The following SEC16A variants were observed in gnomAD, a reference collection of about 807,000 sequenced individuals.
SEC16A encodes the protein protein transport protein Sec16A.
A neutral mutation model predicts 221.9 loss-of-function variants in SEC16A; 110 were observed. The ratio of observed to expected loss-of-function variants is 0.50; its 90% CI spans 0.42 to 0.58. SEC16A has a LOEUF of 0.58. Ranked by LOEUF, SEC16A falls within the 20% of genes least tolerant of loss-of-function variation. The probability of loss-of-function intolerance (pLI) is 0.00; values close to 1 mark genes in which losing one functional copy is unlikely to be tolerated. For synonymous variants in SEC16A, 1,393 were observed against 1,257.7 expected (o/e 1.11, Z -2.28); for missense variants, 3,165 against 3,097.8 (o/e 1.02, Z -0.52).
chr9:136,477,827 A>G, intron 2 of SEC16A, 143 bp from the exon 3 acceptor site: 1 of 782,888 alleles, frequency 1.3e-6, no homozygotes, highest in South Asian at 2.0e-5. Flanking sequence ...CCTACACCCC[A>G]CCCCAGCAGA....
Position 136,474,860 on chromosome 9 carries a change from T to C in SEC16A, c.2756A>G (p.Asn919Ser), listed in dbSNP as rs766204125. Residue 919 changes from asparagine to serine, a missense_variant, in exon 3 of 32, where the codon AAT (asparagine) becomes AGT (serine). Asn to Ser is a conservative substitution (Grantham distance 46, BLOSUM62 1). Coordinates refer to ENST00000684901, the MANE Select transcript of SEC16A (RefSeq NM_014866.2). ...TTGAACCAGCAAATTAGCAGGCTGA[T>C]TAGAAACCATTTCGGAAGCACCAGA... ...QGSGASEMVS[N>S]QPANLLVQPP... 1 of 1,613,828 alleles carries C rather than the reference T, an allele frequency of 6.2e-7. No homozygotes were observed. Among genetic ancestry groups the C allele is most frequent in the South Asian group, 1.1e-5 (1 of 91,076 alleles).
chr9:136,461,043 G>A (rs541788365), intron 13 of SEC16A, 134 bp downstream of exon 13: 3 of 690,260 alleles, frequency 4.3e-6, no homozygotes, highest in African/African-American at 1.8e-5. Context: ...CGAGGCCAAG[G>A]AAGCCCGAGT....
chr9:136,455,467 G>T (rs945818075), intron 20 of SEC16A, 134 bp downstream of exon 20: 1 of 807,618 alleles, frequency 1.2e-6, no homozygotes, highest in East Asian at 2.8e-5. Flanking sequence ...CACAACCACC[G>T]AGGTGGTGTG....
intron 11 of SEC16A, 118 bp downstream of exon 11, chr9:136,463,342 CCCT>C: frequency 7.4e-7 from 1 of 1,346,308 alleles, no homozygotes; most frequent in South Asian, 1.4e-5. Context: ...CCTAAGGGGG[CCCT>C]CGAGGCTCCC....
Position 136,459,794 on chromosome 9 carries a change from G to T in SEC16A, c.5154C>A (p.Val1718=). ...VLSNLNNNMD[V]ESRTMATMGD... ...CCATGGTAGCCATCGTCCTGGACTCGACGTCCATGTTGTTGTTCAAGTTGG... is the reference window on the plus strand; with the variant it reads ...CCATGGTAGCCATCGTCCTGGACTCTACGTCCATGTTGTTGTTCAAGTTGG... The change falls in exon 15 of 32, where the codon GTC becomes GTA. Residue 1718 remains valine (V), a synonymous_variant. Coordinates refer to ENST00000684901, the MANE Select transcript of SEC16A (RefSeq NM_014866.2). The surrounding 1 kb of genome is among the most constrained non-coding windows in gnomAD (Gnocchi z 6.1). 1 of 1,612,570 alleles carries T rather than the reference G, an allele frequency of 6.2e-7. No individual in the cohort carries two copies. The highest frequency in any genetic ancestry group is 8.5e-7 in the Non-Finnish European group (1 of 1,179,326).
Position 136,451,240 on chromosome 9 carries a change from G to T in SEC16A, c.6312+16C>A, listed in dbSNP as rs1008943066. ...CCCTCCCGGCCGCCAGGCGCACCGT[G>T]GGCAGGCTGTACTACCTTCTTAGGT... On this transcript the variant is annotated intron_variant, in intron 23 of 31. Transcript: ENST00000684901. 2 of 1,606,804 alleles carry T rather than the reference G, an allele frequency of 1.2e-6. No individual in the cohort carries two copies. The highest frequency in any genetic ancestry group is 1.7e-6 in the Non-Finnish European group (2 of 1,176,658).
intron 8 of SEC16A, among the ~76,000 whole-genome samples, chr9:136,465,145 C>T (rs375510305): frequency 1.5e-4 from 23 of 149,994 alleles, no homozygotes; most frequent in Non-Finnish European, 2.8e-4. Flanking sequence ...AAAATGTTAA[C>T]TGAAACAATA....
chr9:136,464,533 A>G lies in SEC16A; in HGVS notation c.4333T>C (p.Phe1445Leu). 1.2e-6 allele frequency: 2 copies of G among 1,603,874 alleles called. No homozygotes were observed. The highest frequency in any genetic ancestry group is 1.7e-6 in the Non-Finnish European group (2 of 1,171,864). Residue 1445 changes from phenylalanine (F) to leucine (L), a missense_variant, in exon 9 of 32, where the codon TTT (phenylalanine) becomes CTT (leucine). Physicochemically the swap from Phe to Leu is conservative, Grantham distance 22. Transcript: ENST00000684901. ...CTGGCACAGACATGAGGCACTGAAAATTTTTCAGGAGAAGTTGGTCTTGAT... is the reference window on the plus strand; with the variant it reads ...CTGGCACAGACATGAGGCACTGAAAGTTTTTCAGGAGAAGTTGGTCTTGAT... ...VSSRPTSPEK[F>L]SVPHVCARFG...
Position 136,475,135 on chromosome 9 carries a change from T to C in SEC16A, c.2481A>G (p.Pro827=). The change falls in exon 3 of 32, where the codon CCA becomes CCG. Residue 827 remains proline, a synonymous_variant. Coordinates refer to ENST00000684901, the MANE Select transcript of SEC16A (RefSeq NM_014866.2). This position sits in a 1 kb window ranked among gnomAD's most constrained non-coding sequence, Gnocchi z 5.0. The part of the protein sequence containing the change: ...SPPTESLQNP[P]VLIAQPDHSY... ...TGTGATCAGGCTGAGCAATCAAGAC[T>C]GGAGGATTCTGCAGAGACTCAGTGG... 1 of 1,613,922 alleles carries C rather than the reference T, an allele frequency of 6.2e-7. No homozygotes were observed. The highest frequency in any genetic ancestry group is 1.1e-5 in the South Asian group (1 of 91,076).
intron 13 of SEC16A, 28 bp from the exon 14 acceptor site, chr9:136,460,151 C>T: frequency 5.1e-6 from 8 of 1,562,962 alleles, no homozygotes; most frequent in Non-Finnish European, 7.0e-6. Flanking sequence ...CAGAAAGACC[C>T]CATGCTGGCT....
chr9:136,459,924 AT>A lies in SEC16A; in HGVS notation c.5074-51del. Reference sequence around the variant, plus strand: ...AGCCTCATCCCCGGAAGCCAGCGCCATTTCAATTCCACACAGCTGGGCTCAC... The same window carrying A: ...AGCCTCATCCCCGGAAGCCAGCGCCATTCAATTCCACACAGCTGGGCTCAC... On this transcript the variant is annotated intron_variant, in intron 14 of 31. Coordinates refer to ENST00000684901, the MANE Select transcript of SEC16A (RefSeq NM_014866.2). The surrounding 1 kb of genome is among the most constrained non-coding windows in gnomAD (Gnocchi z 6.1). The A allele has an allele frequency of 6.4e-7, 1 of 1,565,278 alleles. No individual in the cohort carries two copies. The highest frequency in any genetic ancestry group is 1.4e-5 in the African/African-American group (1 of 73,908).
chr9:136,476,302 A>G lies in SEC16A; in HGVS notation c.1314T>C (p.Asp438=), dbSNP rs1256738045. The G allele has an allele frequency of 8.1e-6, 13 of 1,612,910 alleles. No homozygotes were observed. The highest frequency in any genetic ancestry group is 1.3e-5 in the African/African-American group (1 of 74,992). The change falls in exon 3 of 32, where the codon GAT becomes GAC. Residue 438 remains aspartate, a synonymous_variant. Transcript: ENST00000684901. ...LPGPSNEAAG[D]VWGDTASTGV... ...CTGTGCTCGCTGTGTCACCCCACAC[A>G]TCACCAGCAGCCTCATTGCTGGGGC... is the stretch of plus-strand genomic sequence containing the variant.
Position 136,447,389 on chromosome 9 carries a change from G to T in SEC16A, c.6560-25C>A. 6.3e-7 allele frequency: 1 copy of T among 1,593,188 alleles called. No homozygotes were observed. On this transcript the variant is annotated intron_variant, in intron 26 of 31. Coordinates refer to ENST00000684901, the MANE Select transcript of SEC16A (RefSeq NM_014866.2). This position sits in a 1 kb window ranked among gnomAD's most constrained non-coding sequence, Gnocchi z 5.5. ...GCTGCAAAGGGGAGGGAAGCAAATTGAGGTGAACGCGCCAGGTGGCCTCCA... is the reference window on the plus strand; with the variant it reads ...GCTGCAAAGGGGAGGGAAGCAAATTTAGGTGAACGCGCCAGGTGGCCTCCA...
At position 136,450,212 on chromosome 9, in the gene SEC16A, C is replaced by T. The variant is rs1358656951; in HGVS notation, c.6312+1044G>A. Among the ~76,000 whole-genome samples, 3 of 152,028 alleles carry T rather than the reference C, an allele frequency of 2.0e-5. No homozygotes were observed. The East Asian group carries it at 5.8e-4, about 29-fold the overall frequency. ...GAGTGAGACCCTGTCTCAAAACAAA[C>T]AAACAAACAAACAAACAAAAAACCA... On this transcript the variant is annotated intron_variant, in intron 23 of 31. Transcript: ENST00000684901.
intron 1 of SEC16A, among the ~76,000 whole-genome samples, chr9:136,479,288 C>G (rs1842023286): frequency 6.6e-6 from 1 of 152,194 alleles, no homozygotes; most frequent in Admixed American, 6.5e-5. Context: ...CCCTCATGAA[C>G]AAACAGATAA....
Position 136,475,130 on chromosome 9 carries a change from A to C in SEC16A, c.2486T>G (p.Leu829Trp), listed in dbSNP as rs1156995742. ...PTESLQNPPV[L>W]IAQPDHSYNL... ...ATAGCTGTGATCAGGCTGAGCAATCAAGACTGGAGGATTCTGCAGAGACTC... is the reference window on the plus strand; with the variant it reads ...ATAGCTGTGATCAGGCTGAGCAATCCAGACTGGAGGATTCTGCAGAGACTC... The change falls in exon 3 of 32, where the codon TTG becomes TGG. Residue 829 changes from leucine to tryptophan, a missense_variant. Transcript: ENST00000684901. This position sits in a 1 kb window ranked among gnomAD's most constrained non-coding sequence, Gnocchi z 5.0. 3 of 1,613,918 alleles carry C rather than the reference A, an allele frequency of 1.9e-6. No individual in the cohort carries two copies. In the South Asian group the frequency reaches 3.3e-5, roughly 18 times the overall value.
upstream of SEC16A, chr9:136,483,056 G>T (rs1349472480): frequency 1.0e-6 from 1 of 981,190 alleles, no homozygotes; most frequent in Admixed American, 6.2e-5. Context: ...GGGTCTCCGC[G>T]GCCGCCGCGC....
At chr9:136,482,498 C>T (rs771192150) in intron 1 of SEC16A, among the ~76,000 whole-genome samples, 10 of 152,216 alleles carry the variant, frequency 6.6e-5, no homozygotes, top group Non-Finnish European at 1.5e-4. Context: ...ATCCTGATCG[C>T]CCAATCAAGA....
chr9:136,443,410 C>T (rs1465383057), intron 31 of SEC16A, among the ~76,000 whole-genome samples: 3 of 152,218 alleles, frequency 2.0e-5, no homozygotes, highest in Non-Finnish European at 1.5e-5. Context: ...AGAAGCTGGG[C>T]ACGGTGGCTC....
Sources: allele counts gnomAD v4.1 joint callset (sites outside exome capture counted in the v4.1 genomes callset), GRCh38; gene constraint gnomAD v4.1.1; non-coding constraint Gnocchi (gnomAD v3.1); transcripts MANE v1.5; gene names NCBI Gene and HGNC (gene_info 2026-07-23, HGNC 2026-07-21).